The following LONRF2 variants were observed in gnomAD, a reference collection of about 807,000 sequenced individuals.
The protein encoded by LONRF2 is LON peptidase N-terminal domain and RING finger protein 2.
LONRF2 carries 35 observed loss-of-function variants against 66.6 expected under a neutral mutation model. The ratio of observed to expected loss-of-function variants is 0.53; its 90% CI spans 0.40 to 0.70. The LOEUF (loss-of-function observed/expected upper bound fraction) is 0.70, where lower values mean the gene tolerates loss of function less well. LONRF2 is among the 30% of genes least tolerant of loss of function. The probability of loss-of-function intolerance (pLI) is 0.00; values close to 1 mark genes in which losing one functional copy is unlikely to be tolerated. For synonymous variants in LONRF2, 417 were observed against 418.1 expected, an observed-to-expected ratio of 1.00 and a Z score of 0.03; for missense variants, 902 against 1,002.1, an observed-to-expected ratio of 0.90 and a Z score of 1.35.
rs1206868355 is a variant in LONRF2 at position 100,283,589 on chromosome 2, A to ATG, written c.*708_*709insCA. The ATG allele has an allele frequency of 5.3e-5, 8 of 151,900 alleles. No individual in the cohort carries two copies. In the East Asian group the frequency reaches 1.6e-3, roughly 29 times the overall value. 9.4% of individuals were successfully genotyped at this position (151,900 alleles called of 1,614,324 possible). On this transcript the variant is annotated 3_prime_UTR_variant, in exon 12 of 12. Coordinates refer to ENST00000393437, the MANE Select transcript of LONRF2 (RefSeq NM_198461.4). ...TTATTGTGTGTAAATATATATATAT[A>ATG]TATCCTCAAGTGAATGATACTGTTC... is the stretch of plus-strand genomic sequence containing the variant.
intron 2 of LONRF2, among the ~76,000 whole-genome samples, chr2:100,304,801 T>TTA (rs1284526217): frequency 6.7e-6 from 1 of 148,532 alleles, no homozygotes; most frequent in African/African-American, 2.5e-5. Context: ...TTTTTTTTTT[T>TTA]TTTTTTTTTT....
At chr2:100,292,085 C>A (rs892845943) in intron 9 of LONRF2, among the ~76,000 whole-genome samples, 10 of 152,208 alleles carry the variant, frequency 6.6e-5, no homozygotes, top group Non-Finnish European at 1.2e-4. Context: ...CAAACTGCCA[C>A]CTGGATGCCT....
intron 3 of LONRF2, among the ~76,000 whole-genome samples, chr2:100,301,273 A>T (rs1675179873): frequency 6.6e-6 from 1 of 152,304 alleles, no homozygotes; most frequent in South Asian, 2.1e-4. Context: ...GAACCAGGGA[A>T]TGGCATTGGT....
chr2:100,319,120 T>TAA (rs10658854), intron 1 of LONRF2, among the ~76,000 whole-genome samples: 59,527 of 140,126 alleles, frequency 0.42, 13,760 homozygotes, highest in East Asian at 0.74. Context: ...GACTCCGTCT[T>TAA]AAAAAAAAAA....
chr2:100,288,843 G>A (rs994012047), intron 10 of LONRF2, among the ~76,000 whole-genome samples: 1 of 152,198 alleles, frequency 6.6e-6, no homozygotes, highest in African/African-American at 2.4e-5. Context: ...TCCATTGCAT[G>A]AATGGACCAC....
chr2:100,286,839 C>T, intron 11 of LONRF2, 75 bp downstream of exon 11: 1 of 1,514,954 alleles, frequency 6.6e-7, no homozygotes, highest in Non-Finnish European at 8.9e-7. Context: ...TACTGCCAAG[C>T]TCTCCACCAG....
Position 100,322,315 on chromosome 2 carries a change from G to A in LONRF2, c.-222C>T. On this transcript the variant is annotated 5_prime_UTR_variant, in exon 1 of 12. Transcript: ENST00000393437. ...TGTGGGCGGCGAGCCCCGCAGGGCT[G>A]CAATCGTTCCGGGGTGGGGGCCGGG... The A allele has an allele frequency of 2.8e-6, 1 of 355,354 alleles. No individual in the cohort carries two copies. The highest frequency in any genetic ancestry group is 4.8e-6 in the Non-Finnish European group (1 of 207,882). The allele number at this position is 355,354 out of a possible 1,614,324, so 22.0% of individuals were successfully genotyped here.
At chr2:100,295,598 T>C in intron 7 of LONRF2, 45 bp from the exon 8 acceptor site, 1 of 1,587,134 alleles carries the variant, frequency 6.3e-7, no homozygotes, top group Non-Finnish European at 8.6e-7. Flanking sequence ...TAATTGATTC[T>C]AAAGGACGAA....
chr2:100,313,064 A>T (rs7606277), intron 1 of LONRF2, among the ~76,000 whole-genome samples: 112,303 of 152,154 alleles, frequency 0.74, 42,339 homozygotes, highest in East Asian at 0.94. Flanking sequence ...GTCTACCACA[A>T]CTGTGTTTAG....
At chr2:100,295,850 G>A (rs148051164) in intron 7 of LONRF2, among the ~76,000 whole-genome samples, 74 of 152,262 alleles carry the variant, frequency 4.9e-4, no homozygotes, top group African/African-American at 1.6e-3. Flanking sequence ...AGTGAAGTAG[G>A]GCATGTTGGG....
At chr2:100,292,110 A>AT (rs1674974196) in intron 9 of LONRF2, among the ~76,000 whole-genome samples, 1 of 152,194 alleles carries the variant, frequency 6.6e-6, no homozygotes, top group Non-Finnish European at 1.5e-5. Context: ...TTATATACTT[A>AT]ATAAAACTCT....
In LONRF2 at chr2:100,272,563, GA is replaced by G. The variant is rs372123917; in HGVS notation, c.*11734del. Reference sequence around the variant, plus strand: ...ACCAGAGTATGTAGGTTAAAAAAAAGAAAAAAAAAGATGGGAAAGGTATCAT... The same window carrying G: ...ACCAGAGTATGTAGGTTAAAAAAAAGAAAAAAAAGATGGGAAAGGTATCAT... On this transcript the variant is annotated 3_prime_UTR_variant, in exon 12 of 12. Coordinates refer to ENST00000393437, the MANE Select transcript of LONRF2 (RefSeq NM_198461.4). Among the ~76,000 whole-genome samples, 1 of 149,038 alleles carries G rather than the reference GA, an allele frequency of 6.7e-6. No homozygotes were observed. The highest frequency in any genetic ancestry group is 1.5e-5 in the Non-Finnish European group (1 of 67,144).
At chr2:100,305,767 G>A (rs537478374) in intron 2 of LONRF2, among the ~76,000 whole-genome samples, 1 of 152,278 alleles carries the variant, frequency 6.6e-6, no homozygotes, top group African/African-American at 2.4e-5. Context: ...GATAATAAAT[G>A]TGAAGTTTTA....
rs1021055059 is a variant in LONRF2, at chr2:100,275,189, C to A, written c.*9109G>T. ...AGACTAGGGTGATGTCAATCGCAGT[C>A]CCCTACACAGGACCTTCTGGGTATA... On this transcript the variant is annotated 3_prime_UTR_variant, in exon 12 of 12. Transcript: ENST00000393437. 6.6e-6 allele frequency: 1 copy of A among 152,250 alleles called. No homozygotes were observed. Among genetic ancestry groups the A allele is most frequent in the Non-Finnish European group, 1.5e-5 (1 of 68,080 alleles). 9.4% of individuals were successfully genotyped at this position (152,250 alleles called of 1,614,324 possible). A position where few individuals can be genotyped will look rare whatever the true frequency, so the allele number is the denominator to read the frequency against.
At chr2:100,306,012 C>T (rs6736666) in intron 2 of LONRF2, among the ~76,000 whole-genome samples, 6,239 of 152,220 alleles carry the variant, frequency 0.041, 432 homozygotes, top group African/African-American at 0.14. Context: ...CCTCAGCCTC[C>T]GGAGTAGCTG....
chr2:100,284,888 G>A (rs1010803920), intron 11 of LONRF2, among the ~76,000 whole-genome samples: 9 of 152,144 alleles, frequency 5.9e-5, no homozygotes, highest in Admixed American at 5.2e-4. Flanking sequence ...ATATTATAAA[G>A]GCTAAAAGTA....
chr2:100,284,375 G>T lies in LONRF2; in HGVS notation c.2188C>A (p.Arg730=), dbSNP rs772870841. The part of the protein sequence containing the change: ...TSLKERLLAI[R]RILVIITRKM... Reference sequence around the variant, plus strand: ...CGCGTGATGATGACTAATATCCGTCGGATGGCAAGGAGCCGCTCTTTGAGC... The same window carrying T: ...CGCGTGATGATGACTAATATCCGTCTGATGGCAAGGAGCCGCTCTTTGAGC... Residue 730 remains arginine (R), a synonymous_variant, in exon 12 of 12, where the codon CGA becomes AGA. Coordinates refer to ENST00000393437, the MANE Select transcript of LONRF2 (RefSeq NM_198461.4). 8.1e-6 allele frequency: 13 copies of T among 1,598,162 alleles called. No homozygotes were observed. The highest frequency in any genetic ancestry group is 2.3e-5 in the East Asian group (1 of 44,334).
chr2:100,303,135 A>T, intron 2 of LONRF2, 92 bp from the exon 3 acceptor site: 1 of 1,245,626 alleles, frequency 8.0e-7, no homozygotes, highest in Non-Finnish European at 1.1e-6. Flanking sequence ...TATTAGAACA[A>T]TTTGTTTTAA....
In LONRF2 at chr2:100,304,625, G is replaced by GTTTTTTT. The variant is rs3039612; in HGVS notation, c.799-1589_799-1583dup. Among the ~76,000 whole-genome samples the GTTTTTTT allele has an allele frequency of 4.4e-3, 540 of 121,978 alleles. 35 individuals are homozygous for GTTTTTTT. Among genetic ancestry groups the GTTTTTTT allele is most frequent in the East Asian group, 0.037 (154 of 4,144 alleles). The allele number at this position is 121,978 out of a possible 152,430, so 80.0% of individuals were successfully genotyped here. A position where few individuals can be genotyped will look rare whatever the true frequency, so the allele number is the denominator to read the frequency against. On this transcript the variant is annotated intron_variant, in intron 2 of 11. Transcript: ENST00000393437. Reference sequence around the variant, plus strand: ...CACTCAGAGACAATTTTAGTTGACTGTTTTTTTTTTTTTTTTGAGACAGAG... The same window carrying GTTTTTTT: ...CACTCAGAGACAATTTTAGTTGACTGTTTTTTTTTTTTTTTTTTTTTTTGAGACAGAG...
Sources: gnomAD v4.1 joint callset for allele counts (sites outside exome capture counted in the v4.1 genomes callset) on GRCh38, gnomAD v4.1.1 for gene constraint, MANE v1.5 for transcripts, NCBI Gene and HGNC (gene_info 2026-07-23, HGNC 2026-07-21) for gene names.